The following GAB1 variants were observed in gnomAD, a reference collection of about 807,000 sequenced individuals.
GAB1 encodes the protein GRB2-associated-binding protein 1.
In GAB1, 19 loss-of-function variants were observed where a neutral mutation model predicts 66.5. That is an observed-to-expected ratio of 0.29 (90% CI 0.20 to 0.42). The LOEUF is 0.42. GAB1 is among the 10% of genes least tolerant of loss of function. The probability of loss-of-function intolerance (pLI) is 1.00; values close to 1 mark genes in which losing one functional copy is unlikely to be tolerated. For missense variants in GAB1, 732 were observed against 858.5 expected, an observed-to-expected ratio of 0.85 and a Z score of 1.84; for synonymous variants, 294 against 301.4, an observed-to-expected ratio of 0.98 and a Z score of 0.25.
At chr4:143,383,936 G>A (rs749801131) in intron 1 of GAB1, among the ~76,000 whole-genome samples, 1 of 152,140 alleles carries the variant, frequency 6.6e-6, no homozygotes, top group Non-Finnish European at 1.5e-5. Context: ...CTACCCGGGC[G>A]TGGTAACACT....
chr4:143,447,579 T>C (rs1734633555), intron 6 of GAB1, among the ~76,000 whole-genome samples: 1 of 152,220 alleles, frequency 6.6e-6, no homozygotes, highest in Non-Finnish European at 1.5e-5. Flanking sequence ...AGTTCACTCA[T>C]GATTTGGCTC....
intron 2 of GAB1, among the ~76,000 whole-genome samples, chr4:143,422,439 C>T (rs1398079603): frequency 2.0e-5 from 3 of 152,140 alleles, no homozygotes; most frequent in Admixed American, 2.0e-4. Context: ...TTATTATATG[C>T]TCAGATACAG....
chr4:143,418,745 A>C (rs1732845426), intron 2 of GAB1, among the ~76,000 whole-genome samples: 1 of 152,150 alleles, frequency 6.6e-6, no homozygotes, highest in Non-Finnish European at 1.5e-5. Context: ...CTCATAGAGG[A>C]TGTGCATTCT....
At chr4:143,363,767 GT>G (rs2149659103) in intron 1 of GAB1, among the ~76,000 whole-genome samples, 2 of 152,262 alleles carry the variant, frequency 1.3e-5, no homozygotes, top group Admixed American at 1.3e-4. Flanking sequence ...TTAGTTTCTT[GT>G]TTTTTAATGC....
chr4:143,454,957 T>G, intron 6 of GAB1, among the ~76,000 whole-genome samples: 1 of 152,112 alleles, frequency 6.6e-6, no homozygotes, highest in East Asian at 1.9e-4. Context: ...TGTTCTTGCC[T>G]TGTTTCTTTT....
intron 8 of GAB1, 115 bp downstream of exon 8, chr4:143,460,602 TA>T: frequency 1.1e-6 from 1 of 896,944 alleles, no homozygotes; most frequent in South Asian, 2.5e-5. Context: ...GAAAAAGCAG[TA>T]AAAGACAACT....
At chr4:143,395,628 C>A in intron 1 of GAB1, 1 of 275,336 alleles carries the variant, frequency 3.6e-6, no homozygotes, top group South Asian at 3.2e-5. Flanking sequence ...TTAGTTGTAA[C>A]TCTCCCTAAA....
intron 1 of GAB1, among the ~76,000 whole-genome samples, chr4:143,401,591 G>A (rs2149700232): frequency 6.6e-6 from 1 of 152,300 alleles, no homozygotes; most frequent in Non-Finnish European, 1.5e-5. Context: ...AAGCATTTCA[G>A]TTAGGACTTC....
At chr4:143,384,412 C>T (rs961944637) in intron 1 of GAB1, among the ~76,000 whole-genome samples, 14 of 151,926 alleles carry the variant, frequency 9.2e-5, no homozygotes. Context: ...TTTTTGCAAC[C>T]AAATTTGGGG....
Position 143,439,819 on chromosome 4 carries a change from T to A in GAB1, c.1213T>A (p.Cys405Ser), listed in dbSNP as rs1473163039. The A allele has an allele frequency of 3.1e-6, 5 of 1,612,688 alleles. No homozygotes were observed. Among genetic ancestry groups the A allele is most frequent in the Non-Finnish European group, 3.4e-6 (4 of 1,178,720 alleles). ...KLRKDASSQD[C>S]YDIPRAFPSD... is the part of the protein sequence containing the mutation. ...TATTTTAGATGCTAGTTCTCAAGAC[T>A]GCTATGATATTCCACGAGCATTTCC... The change falls in exon 5 of 10, where the codon TGC (cysteine) becomes AGC (serine). Residue 405 changes from cysteine (C) to serine (S), a missense_variant. Around this residue, in one of 4 missense-constraint regions of GAB1, gnomAD observed 427 missense variants for 420.6 expected, o/e 1.02. Coordinates refer to ENST00000262994, the MANE Select transcript of GAB1 (RefSeq NM_002039.4).
chr4:143,347,995 G>A (rs1054998607), intron 1 of GAB1, among the ~76,000 whole-genome samples: 12 of 152,150 alleles, frequency 7.9e-5, no homozygotes, highest in Non-Finnish European at 1.5e-4. Flanking sequence ...ACCAGTCTCT[G>A]ATGTTCCTAA....
chr4:143,417,440 C>T (rs368124312), intron 2 of GAB1: 2 of 432,068 alleles, frequency 4.6e-6, no homozygotes. Context: ...TAGGATCTCA[C>T]TTTGTCGTCT....
chr4:143,450,355 T>G lies in GAB1; in HGVS notation c.1586-9030T>G, dbSNP rs114529316. Among the ~76,000 whole-genome samples the G allele has an allele frequency of 8.8e-3, 1,337 of 152,306 alleles. 26 individuals carry two copies. Among genetic ancestry groups the G allele is most frequent in the African/African-American group, 0.03 (1,236 of 41,572 alleles). ...AGTAGTAGCATAATCTGCAAAACTTTGGGAAGAGTAAAAAATTTAGGCTTA... is the reference window on the plus strand; with the variant it reads ...AGTAGTAGCATAATCTGCAAAACTTGGGGAAGAGTAAAAAATTTAGGCTTA... On this transcript the variant is annotated intron_variant, in intron 6 of 9. Coordinates refer to ENST00000262994, the MANE Select transcript of GAB1 (RefSeq NM_002039.4).
At chr4:143,451,046 A>G (rs1361575706) in intron 6 of GAB1, among the ~76,000 whole-genome samples, 1 of 152,184 alleles carries the variant, frequency 6.6e-6, no homozygotes, top group Non-Finnish European at 1.5e-5. Context: ...GCTCCCCTGA[A>G]GAAGCTCACC....
intron 2 of GAB1, among the ~76,000 whole-genome samples, chr4:143,416,306 G>A (rs771154074): frequency 2.0e-5 from 3 of 152,162 alleles, no homozygotes; most frequent in Non-Finnish European, 4.4e-5. Flanking sequence ...TACTCCAGAG[G>A]CTGAGGCAGG....
chr4:143,381,834 A>G (rs62337524), intron 1 of GAB1: 4,322 of 152,314 alleles, frequency 0.028, 75 homozygotes, highest in South Asian at 0.041. Context: ...AGAGTCTTCC[A>G]TCTCTTCCAC....
At chr4:143,441,548 G>A (rs1445217325) in intron 6 of GAB1, among the ~76,000 whole-genome samples, 1 of 148,780 alleles carries the variant, frequency 6.7e-6, no homozygotes, top group Non-Finnish European at 1.5e-5. Flanking sequence ...TAACCTCCTC[G>A]TTTCAACAGG....
At chr4:143,373,903 T>G in intron 1 of GAB1, among the ~76,000 whole-genome samples, 1 of 98,618 alleles carries the variant, frequency 1.0e-5, no homozygotes, top group Non-Finnish European at 2.1e-5. Flanking sequence ...CTTTCTAACA[T>G]TGCAGGGAGT....
intron 1 of GAB1, among the ~76,000 whole-genome samples, chr4:143,339,631 T>C (rs937376819): frequency 1.3e-5 from 2 of 152,248 alleles, no homozygotes; most frequent in South Asian, 4.1e-4. Context: ...TAAAGAAATG[T>C]AAGACCTAGT....
Sources: allele counts gnomAD v4.1 joint callset (sites outside exome capture counted in the v4.1 genomes callset), GRCh38; gene constraint gnomAD v4.1.1; regional missense constraint gnomAD v4.1.1; transcripts MANE v1.5; gene names NCBI Gene and HGNC (gene_info 2026-07-23, HGNC 2026-07-21).